GRIK4: variants seen among roughly 807,000 people sequenced by gnomAD.
GRIK4 encodes the protein glutamate receptor ionotropic, kainate 4.
GRIK4 carries 40 observed loss-of-function variants against 104.9 expected under a neutral mutation model. That is an observed-to-expected ratio of 0.38 (90% CI 0.30 to 0.50). The LOEUF is 0.50. Ranked by LOEUF, GRIK4 falls within the 20% of genes least tolerant of loss-of-function variation. The pLI is 0.93. For synonymous variants in GRIK4, 485 were observed against 524.9 expected, an observed-to-expected ratio of 0.92 and a Z score of 1.04; for missense variants, 1,047 against 1,308.1, an observed-to-expected ratio of 0.80 and a Z score of 3.08.
At chr11:120,892,388 C>T (rs966954027) in intron 11 of GRIK4, among the ~76,000 whole-genome samples, 2 of 152,128 alleles carry the variant, frequency 1.3e-5, no homozygotes, top group African/African-American at 2.4e-5. Flanking sequence ...TTGGTAGTGA[C>T]GACTGGCTGC....
intron 1 of GRIK4, among the ~76,000 whole-genome samples, chr11:120,527,603 G>T (rs1487163386): frequency 6.6e-6 from 1 of 152,254 alleles, no homozygotes; most frequent in Non-Finnish European, 1.5e-5. Flanking sequence ...CTGGGGGCTG[G>T]GAGGAAGACG....
At chr11:120,826,116 C>A (rs932520759) in intron 6 of GRIK4, among the ~76,000 whole-genome samples, 3 of 152,182 alleles carry the variant, frequency 2.0e-5, no homozygotes, top group Non-Finnish European at 2.9e-5. Flanking sequence ...ATTTTAGATT[C>A]TCTTATTTAA....
At chr11:120,662,723 G>T (rs1949837739) in intron 3 of GRIK4, among the ~76,000 whole-genome samples, 1 of 152,142 alleles carries the variant, frequency 6.6e-6, no homozygotes, top group Admixed American at 6.5e-5. Flanking sequence ...ACTTTTCCTT[G>T]CATTTGAGTT....
intron 8 of GRIK4, among the ~76,000 whole-genome samples, chr11:120,847,816 G>A (rs533285379): frequency 1.3e-5 from 2 of 152,330 alleles, no homozygotes; most frequent in South Asian, 2.1e-4. Context: ...TGTCACAAAT[G>A]CCTGTCCCAG....
At chr11:120,669,900 C>G (rs1949985963) in intron 3 of GRIK4, among the ~76,000 whole-genome samples, 1 of 152,262 alleles carries the variant, frequency 6.6e-6, no homozygotes. Context: ...CTGACCCCTT[C>G]CAGAACTCCA....
At chr11:120,924,382 C>T (rs191033981) in intron 13 of GRIK4, among the ~76,000 whole-genome samples, 1 of 151,912 alleles carries the variant, frequency 6.6e-6, no homozygotes, top group Non-Finnish European at 1.5e-5. Flanking sequence ...GTGGCAGGCT[C>T]AACAGTGGCC....
At chr11:120,668,702 G>T (rs996319525) in intron 3 of GRIK4, among the ~76,000 whole-genome samples, 9 of 152,136 alleles carry the variant, frequency 5.9e-5, no homozygotes, top group African/African-American at 1.9e-4. Context: ...GTTGGCTCCC[G>T]GGAGGCTCTA....
intron 6 of GRIK4, among the ~76,000 whole-genome samples, chr11:120,820,205 A>G (rs1953077280): frequency 2.0e-5 from 3 of 152,142 alleles, no homozygotes; most frequent in African/African-American, 7.2e-5. Flanking sequence ...CTCCCTGGGC[A>G]TGAGTGGAAC....
intron 3 of GRIK4, among the ~76,000 whole-genome samples, chr11:120,790,986 G>C (rs745393716): frequency 6.6e-6 from 1 of 152,174 alleles, no homozygotes; most frequent in Non-Finnish European, 1.5e-5. Context: ...TGGACATTTG[G>C]ACATTTCTTA....
chr11:120,586,776 A>G (rs1436769589), intron 1 of GRIK4, among the ~76,000 whole-genome samples: 1 of 151,988 alleles, frequency 6.6e-6, no homozygotes, highest in African/African-American at 2.4e-5. Context: ...CCCTGATTTG[A>G]TCAAGCCCCA....
chr11:120,881,621 T>G (rs2135704814), intron 11 of GRIK4, among the ~76,000 whole-genome samples: 1 of 152,284 alleles, frequency 6.6e-6, no homozygotes, highest in East Asian at 1.9e-4. Context: ...AACTCAGGGA[T>G]CCAGTGTCAT....
intron 13 of GRIK4, among the ~76,000 whole-genome samples, chr11:120,937,560 C>A (rs1189286086): frequency 6.6e-6 from 1 of 152,210 alleles, no homozygotes; most frequent in Non-Finnish European, 1.5e-5. Context: ...GCCTCCCTTT[C>A]CCCCAGCGTC....
intron 18 of GRIK4, among the ~76,000 whole-genome samples, chr11:120,964,399 T>A (rs1015379232): frequency 6.6e-6 from 1 of 152,244 alleles, no homozygotes; most frequent in Non-Finnish European, 1.5e-5. Context: ...TTCTGTGAAC[T>A]GTGAACTGGA....
intron 13 of GRIK4, among the ~76,000 whole-genome samples, chr11:120,911,910 T>C (rs76152779): frequency 0.016 from 2,301 of 146,462 alleles, 53 homozygotes; most frequent in African/African-American, 0.055. Flanking sequence ...TTTTGAAAAA[T>C]AGATAAGGTT....
intron 6 of GRIK4, among the ~76,000 whole-genome samples, chr11:120,830,960 A>G (rs1174475262): frequency 1.4e-5 from 2 of 143,746 alleles, no homozygotes; most frequent in African/African-American, 2.6e-5. Flanking sequence ...TAAGACCCTC[A>G]TGTCTCAGTG....
At position 120,903,342 on chromosome 11, in the gene GRIK4, T is replaced by C. The variant is rs543579681; in HGVS notation, c.1273-1948T>C. On this transcript the variant is annotated intron_variant, in intron 12 of 20. Transcript: ENST00000527524. This position sits in a 1 kb window ranked among gnomAD's most constrained non-coding sequence, Gnocchi z 4.4. ...TCCCACACACCAAGACTCAAGCCTA[T>C]CTGCCCCACTTTCAGCACAACTCTG... 6.6e-6 allele frequency among the ~76,000 whole-genome samples: 1 copy of C among 152,148 alleles called. No homozygotes were observed. Among genetic ancestry groups the C allele is most frequent in the East Asian group, 1.9e-4 (1 of 5,170 alleles).
At chr11:120,804,474 C>A (rs1952677525) in intron 4 of GRIK4, among the ~76,000 whole-genome samples, 1 of 152,182 alleles carries the variant, frequency 6.6e-6, no homozygotes, top group Non-Finnish European at 1.5e-5. Flanking sequence ...TTCCTTCTTG[C>A]TCCTGTGGTG....
intron 13 of GRIK4, among the ~76,000 whole-genome samples, chr11:120,920,377 C>T (rs1335550080): frequency 1.3e-5 from 2 of 152,274 alleles, no homozygotes; most frequent in Non-Finnish European, 2.9e-5. Flanking sequence ...TCACCCACCT[C>T]GGTCCCCAAA....
At chr11:120,529,129 C>G (rs1457959743) in intron 1 of GRIK4, among the ~76,000 whole-genome samples, 1 of 151,694 alleles carries the variant, frequency 6.6e-6, no homozygotes, top group Non-Finnish European at 1.5e-5. Flanking sequence ...GCATAACCCC[C>G]CACCCCGACC....
Sources: allele counts gnomAD v4.1 joint callset (sites outside exome capture counted in the v4.1 genomes callset), GRCh38; gene constraint gnomAD v4.1.1; non-coding constraint Gnocchi (gnomAD v3.1); transcripts MANE v1.5; gene names NCBI Gene and HGNC (gene_info 2026-07-23, HGNC 2026-07-21).